Variants in KLF5 observed in about 807,000 individuals in gnomAD.
KLF5 encodes the protein KLF transcription factor 5.
KLF5 carries 9 observed loss-of-function variants against 36.9 expected under a neutral mutation model. The observed-to-expected ratio is 0.24, with a 90% confidence interval of 0.15 to 0.43. KLF5 has a LOEUF of 0.43. Among genes scored for constraint, KLF5 ranks in the 20% least tolerant of loss-of-function variants. The pLI, the probability that KLF5 is intolerant of heterozygous loss-of-function variation, is 1.00. For synonymous variants in KLF5, 246 were observed against 241.7 expected, an observed-to-expected ratio of 1.02 and a Z score of -0.17; for missense variants, 524 against 599.5, an observed-to-expected ratio of 0.87 and a Z score of 1.31.
At chr13:73,072,048 A>G (rs1292356127) in intron 3 of KLF5, among the ~76,000 whole-genome samples, 1 of 152,252 alleles carries the variant, frequency 6.6e-6, no homozygotes, top group African/African-American at 2.4e-5. Flanking sequence ...AAACTTTTAA[A>G]ACATTATCTA....
chr13:73,060,365 A>T (rs2044625527), intron 1 of KLF5, among the ~76,000 whole-genome samples: 1 of 152,154 alleles, frequency 6.6e-6, no homozygotes, highest in Non-Finnish European at 1.5e-5. Flanking sequence ...CCCAAGGAAA[A>T]AAAAATTGGA....
At chr13:73,057,258 A>G (rs1008353542), upstream of KLF5, among the ~76,000 whole-genome samples, 1 of 152,218 alleles carries the variant, frequency 6.6e-6, no homozygotes, top group Admixed American at 6.5e-5. Context: ...AATCTTTCAA[A>G]GCTCAATTTT....
At position 73,059,267 on chromosome 13, in the gene KLF5, C is replaced by A; in HGVS notation, c.-61C>A. The A allele has an allele frequency of 7.8e-7, 1 of 1,276,952 alleles. No individual in the cohort carries two copies. Among genetic ancestry groups the A allele is most frequent in the Non-Finnish European group, 9.9e-7 (1 of 1,009,846 alleles). The allele number at this position is 1,276,952 out of a possible 1,614,324, so 79.1% of individuals were successfully genotyped here. ...CCGCGCTGAGCTCGCCGACCCAAGC[C>A]AGCGTGGGCGAGGTGGGAAGTGCGC... On this transcript the variant is annotated 5_prime_UTR_variant, in exon 1 of 4. Transcript: ENST00000377687.
rs774401953 is a variant in KLF5 at position 73,064,470 on chromosome 13, T to A, written c.1195+587T>A. Among the ~76,000 whole-genome samples, 243 of 152,338 alleles carry A rather than the reference T, an allele frequency of 1.6e-3. 2 individuals are homozygous for A. The highest frequency in any genetic ancestry group is 7.8e-4 in the Non-Finnish European group (53 of 68,040). On this transcript the variant is annotated intron_variant, in intron 3 of 3. Transcript: ENST00000377687. ...TGTGTGAGAGACTTGATCTTTATTC[T>A]AGCTTACATTCATTCTTGTTTACAT...
chr13:73,076,805 A>G lies in KLF5; in HGVS notation c.*919A>G, dbSNP rs2044765219. ...TTAGGGTGTCGTTTTCACATATGAC[A>G]ATGTTGCATTTATGATGCAGTTTCA... On this transcript the variant is annotated 3_prime_UTR_variant, in exon 4 of 4. Transcript: ENST00000377687. 6.6e-6 allele frequency: 1 copy of G among 152,222 alleles called. No individual in the cohort carries two copies. The highest frequency in any genetic ancestry group is 1.5e-5 in the Non-Finnish European group (1 of 68,036). 9.4% of individuals were successfully genotyped at this position (152,222 alleles called of 1,614,324 possible).
upstream of KLF5, among the ~76,000 whole-genome samples, chr13:73,058,140 AATGTCTAT>A (rs1365001853): frequency 4.6e-5 from 7 of 152,354 alleles, no homozygotes; most frequent in African/African-American, 1.7e-4. Flanking sequence ...TCAAAGATGT[AATGTCTAT>A]TTAAATACAC....
rs1353963064 is a variant in KLF5 at position 73,062,004 on chromosome 13, C to T, written c.405C>T (p.Asn135=). The T allele has an allele frequency of 6.2e-7, 1 of 1,614,174 alleles. No individual in the cohort carries two copies. Among genetic ancestry groups the T allele is most frequent in the Middle Eastern group, 1.6e-4 (1 of 6,062 alleles). The change falls in exon 2 of 4, where the codon AAC becomes AAT. Residue 135 remains asparagine, a synonymous_variant. Transcript: ENST00000377687. ...CTGAAGGGTTACCTTACAGTATCAA[C>T]ATGAACGTCTTCCTCCCTGACATCA... ...TDTEGLPYSI[N]MNVFLPDITH...
rs371164335 is a variant in KLF5 at position 73,076,708 on chromosome 13, G to T, written c.*822G>T. 147 of 152,262 alleles carry T rather than the reference G, an allele frequency of 9.7e-4. No individual in the cohort carries two copies. Among genetic ancestry groups the T allele is most frequent in the African/African-American group, 3.2e-3 (131 of 41,558 alleles). 9.4% of individuals were successfully genotyped at this position (152,262 alleles called of 1,614,324 possible). A position where few individuals can be genotyped will look rare whatever the true frequency, so the allele number is the denominator to read the frequency against. On this transcript the variant is annotated 3_prime_UTR_variant, in exon 4 of 4. Transcript: ENST00000377687. ...TGAATTATAAACTGAAGAGCTTAAAGATAGTTACAAAATACAAAAGTTCAA... is the reference window on the plus strand; with the variant it reads ...TGAATTATAAACTGAAGAGCTTAAATATAGTTACAAAATACAAAAGTTCAA...
chr13:73,056,268 T>G (rs1003829364), upstream of KLF5, among the ~76,000 whole-genome samples: 4 of 152,194 alleles, frequency 2.6e-5, no homozygotes, highest in African/African-American at 9.6e-5. Flanking sequence ...TACTCAACAT[T>G]TTTATTTCAT....
In KLF5 at chr13:73,076,146, G is replaced by T; in HGVS notation, c.*260G>T. The T allele has an allele frequency of 7.6e-5, 21 of 276,898 alleles. No homozygotes were observed. Among genetic ancestry groups the T allele is most frequent in the Non-Finnish European group, 9.3e-5 (14 of 149,744 alleles). The allele number at this position is 276,898 out of a possible 1,614,324, so 17.2% of individuals were successfully genotyped here. ...ATCTCATCTCATGACAGGCAGCCAC[G>T]TCTCAACATGGGTAAGGGGTGGGGG... On this transcript the variant is annotated 3_prime_UTR_variant, in exon 4 of 4. Transcript: ENST00000377687.
rs1312739850 is a variant in KLF5, at chr13:73,076,216, A to G, written c.*330A>G. Reference sequence around the variant, plus strand: ...CGTTTTTACCTAGGCACCATCATTTAATGTGACAGTGTTCAGTAAACAAAT... The same window carrying G: ...CGTTTTTACCTAGGCACCATCATTTGATGTGACAGTGTTCAGTAAACAAAT... On this transcript the variant is annotated 3_prime_UTR_variant, in exon 4 of 4. Transcript: ENST00000377687. The G allele has an allele frequency of 4.7e-6, 1 of 214,916 alleles. No homozygotes were observed. Among genetic ancestry groups the G allele is most frequent in the Non-Finnish European group, 9.1e-6 (1 of 109,544 alleles). The allele number at this position is 214,916 out of a possible 1,614,324, so 13.3% of individuals were successfully genotyped here.
In KLF5 at chr13:73,062,630, C is replaced by T. The variant is rs775420777; in HGVS notation, c.1031C>T (p.Pro344Leu). Residue 344 changes from proline to leucine, a missense_variant, in exon 2 of 4, where the codon CCC becomes CTC. By Grantham distance (98) the Pro-to-Leu change is moderately conservative (BLOSUM62 -3). Around this residue, in one of 4 missense-constraint regions of KLF5, gnomAD observed 454 missense variants for 458.1 expected, o/e 0.99. Coordinates refer to ENST00000377687, the MANE Select transcript of KLF5 (RefSeq NM_001730.5). ...CTGGCAATTCACAATCCAAATTTAC[C>T]CACCACCCTGCCAGTTAACTCACAA... Reference protein sequence around the residue: ...SKLAIHNPNLPTTLPVNSQNI... With the variant: ...SKLAIHNPNLLTTLPVNSQNI... 140 of 1,613,988 alleles carry T rather than the reference C, an allele frequency of 8.7e-5. No homozygotes were observed. In the Admixed American group the frequency reaches 2.3e-3, roughly 26 times the overall value.
At chr13:73,056,148 TAA>T (rs1198009599), upstream of KLF5, among the ~76,000 whole-genome samples, 1 of 152,112 alleles carries the variant, frequency 6.6e-6, no homozygotes, top group East Asian at 1.9e-4. Flanking sequence ...TTTATTCCCG[TAA>T]AGATAGTGAC....
chr13:73,062,874 TAA>T (rs374320358), intron 2 of KLF5, 140 bp downstream of exon 2: 3,436 of 468,996 alleles, frequency 7.3e-3, no homozygotes, highest in South Asian at 0.012. Context: ...TACTTGACAG[TAA>T]AAAAAAAAAA....
At position 73,075,992 on chromosome 13, in the gene KLF5, A is replaced by C; in HGVS notation, c.*106A>C. 1 of 915,432 alleles carries C rather than the reference A, an allele frequency of 1.1e-6. No homozygotes were observed. Among genetic ancestry groups the C allele is most frequent in the Non-Finnish European group, 1.5e-6 (1 of 645,504 alleles). The allele number at this position is 915,432 out of a possible 1,614,324, so 56.7% of individuals were successfully genotyped here. A position where few individuals can be genotyped will look rare whatever the true frequency, so the allele number is the denominator to read the frequency against. ...AAACAAACAAAAGCAAGAAAACCACAACTAAAACTGGAAATGTATATTTTG... is the reference window on the plus strand; with the variant it reads ...AAACAAACAAAAGCAAGAAAACCACCACTAAAACTGGAAATGTATATTTTG... On this transcript the variant is annotated 3_prime_UTR_variant, in exon 4 of 4. Coordinates refer to ENST00000377687, the MANE Select transcript of KLF5 (RefSeq NM_001730.5).
chr13:73,070,499 G>T (rs147180985), intron 3 of KLF5, among the ~76,000 whole-genome samples: 2 of 152,192 alleles, frequency 1.3e-5, no homozygotes, highest in South Asian at 4.1e-4. Flanking sequence ...AATGACAGGG[G>T]ATAGTCTTCA....
chr13:73,059,797 A>T, intron 1 of KLF5: 2 of 693,220 alleles, frequency 2.9e-6, no homozygotes, highest in Non-Finnish European at 3.5e-6. Context: ...CGGGGGTGGG[A>T]AGGATGGAGG....
At chr13:73,070,783 TA>T (rs770859416) in intron 3 of KLF5, among the ~76,000 whole-genome samples, 4 of 152,190 alleles carry the variant, frequency 2.6e-5, no homozygotes, top group Non-Finnish European at 5.9e-5. Context: ...TATCCCTGTA[TA>T]ACTTCAGAAT....
intron 1 of KLF5, among the ~76,000 whole-genome samples, chr13:73,061,154 T>C (rs934022327): frequency 5.9e-5 from 9 of 152,332 alleles, no homozygotes; most frequent in African/African-American, 2.2e-4. Context: ...GATAGGGATA[T>C]GAATAGGAAC....
Sources: gnomAD v4.1 joint callset for allele counts (sites outside exome capture counted in the v4.1 genomes callset) on GRCh38, gnomAD v4.1.1 for gene constraint, gnomAD v4.1.1 regional missense constraint, MANE v1.5 for transcripts, NCBI Gene and HGNC (gene_info 2026-07-23, HGNC 2026-07-21) for gene names.